The following CLCN2 variants were observed in gnomAD, a reference collection of about 807,000 sequenced individuals.
CLCN2 encodes chloride channel protein 2.
A neutral mutation model predicts 108.3 loss-of-function variants in CLCN2; 72 were observed. The observed-to-expected ratio is 0.66, with a 90% CI of 0.55 to 0.81. The LOEUF (loss-of-function observed/expected upper bound fraction) is 0.81. Ranked by LOEUF, CLCN2 falls within the 30% of genes least tolerant of loss-of-function variation. The pLI, the probability that CLCN2 is intolerant of heterozygous loss-of-function variation, is 0.00. For missense variants in CLCN2, 1,048 were observed against 1,205.2 expected (o/e 0.87, Z 1.93); for synonymous variants, 471 against 467.1 (o/e 1.01, Z -0.11).
Position 184,357,328 on chromosome 3 carries a change from T to C in CLCN2, c.898+34A>G, listed in dbSNP as rs776341750. The C allele has an allele frequency of 3.7e-6, 6 of 1,613,852 alleles. No individual in the cohort carries two copies. The African/African-American group carries it at 4.0e-5, about 11-fold the overall frequency. On this transcript the variant is annotated intron_variant, in intron 8 of 23. Coordinates refer to ENST00000265593, the MANE Select transcript of CLCN2 (RefSeq NM_004366.6). ...CTCGTGGGCCCCCTACCTGGCACCA[T>C]CTCGGGCTGCCCTCATCCCCTGGGT...
intron 10 of CLCN2, chr3:184,356,257 A>C (rs1211949238): frequency 4.5e-6 from 1 of 220,126 alleles, no homozygotes; most frequent in African/African-American, 2.3e-5. Context: ...CCTCTCTCTG[A>C]AGGATGTCAG....
At chr3:184,353,511 T>C in intron 16 of CLCN2, 89 bp from the exon 17 acceptor site, 5 of 1,533,958 alleles carry the variant, frequency 3.3e-6, no homozygotes, top group Non-Finnish European at 4.4e-6. Flanking sequence ...GGGCCTTGCA[T>C]GCAGGCCACA....
At chr3:184,351,981 A>G (rs1560254013) in intron 22 of CLCN2, 32 bp downstream of exon 22, 1 of 1,510,150 alleles carries the variant, frequency 6.6e-7, no homozygotes, top group South Asian at 1.1e-5. Context: ...CTGAGAGCCT[A>G]GACCAGCCCT....
chr3:184,352,260 A>G (rs1391580554), intron 21 of CLCN2, 33 bp downstream of exon 21: 1 of 1,613,270 alleles, frequency 6.2e-7, no homozygotes, highest in Non-Finnish European at 8.5e-7. Flanking sequence ...ACAACCAGGA[A>G]GAAACAGGGT....
Position 184,357,070 on chromosome 3 carries a change from G to T in CLCN2, c.1008C>A (p.Ala336=), listed in dbSNP as rs756090893. 1 of 1,613,730 alleles carries T rather than the reference G, an allele frequency of 6.2e-7. No individual in the cohort carries two copies. The highest frequency in any genetic ancestry group is 2.2e-5 in the East Asian group (1 of 44,868). Residue 336 remains alanine, a synonymous_variant, in exon 10 of 24, where the codon GCC becomes GCA. Transcript: ENST00000265593. ...VIGIASGFGG[A]LFVYLNRKIV... ...TCTTCCGGTTCAGGTAGACAAAGAG[G>T]GCTCCACCGAAGCCACTAGCAATAC...
At position 184,353,805 on chromosome 3, in the gene CLCN2, G is replaced by A. The variant is rs374702354; in HGVS notation, c.1722-10C>T. On this transcript the variant is annotated splice_polypyrimidine_tract_variant and intron_variant, in intron 15 of 23. Coordinates refer to ENST00000265593, the MANE Select transcript of CLCN2 (RefSeq NM_004366.6). Reference sequence around the variant, plus strand: ...ACGCACCCGGTACTGCCTGGGGGCCGAGAGAGGCGCTTGGTTTGTGGTCAG... The same window carrying A: ...ACGCACCCGGTACTGCCTGGGGGCCAAGAGAGGCGCTTGGTTTGTGGTCAG... The A allele has an allele frequency of 2.0e-5, 32 of 1,602,888 alleles. No homozygotes were observed. Among genetic ancestry groups the A allele is most frequent in the Admixed American group, 3.4e-5 (2 of 58,004 alleles).
In CLCN2 at chr3:184,355,116, AC is replaced by A; in HGVS notation, c.1327-144del. The A allele has an allele frequency of 2.3e-6, 2 of 865,176 alleles. No homozygotes were observed. Among genetic ancestry groups the A allele is most frequent in the South Asian group, 3.0e-5 (2 of 66,744 alleles). 53.6% of individuals were successfully genotyped at this position (865,176 alleles called of 1,614,324 possible). A position where few individuals can be genotyped will look rare whatever the true frequency, so the allele number is the denominator to read the frequency against. Reference sequence around the variant, plus strand: ...CCGTAACCCTCCTAGCTACCCTGGGACCCCCAGGCCTCCCAGGTGATGGCAA... The same window carrying A: ...CCGTAACCCTCCTAGCTACCCTGGGACCCCAGGCCTCCCAGGTGATGGCAA... On this transcript the variant is annotated intron_variant, in intron 12 of 23. Coordinates refer to ENST00000265593, the MANE Select transcript of CLCN2 (RefSeq NM_004366.6). The surrounding 1 kb of genome is among the most constrained non-coding windows in gnomAD (Gnocchi z 6.3).
At chr3:184,352,244 T>C (rs1372243992) in intron 21 of CLCN2, 49 bp downstream of exon 21, 2 of 1,612,538 alleles carry the variant, frequency 1.2e-6, no homozygotes, top group Non-Finnish European at 1.7e-6. Flanking sequence ...AACATGATGA[T>C]TGAACACAAC....
At chr3:184,352,190 G>A in intron 21 of CLCN2, 73 bp from the exon 22 acceptor site, 2 of 1,591,120 alleles carry the variant, frequency 1.3e-6, no homozygotes, top group East Asian at 2.2e-5. Context: ...AAGCTGGCCT[G>A]CCCTTTTTCC....
chr3:184,357,743 G>A (rs1436520169), intron 6 of CLCN2, 36 bp downstream of exon 6: 10 of 1,613,872 alleles, frequency 6.2e-6, no homozygotes, highest in Non-Finnish European at 8.5e-6. Context: ...GGGCTCAGCA[G>A]CCTCTGCCCC....
At chr3:184,353,875 G>A in intron 15 of CLCN2, 80 bp from the exon 16 acceptor site, 1 of 1,561,544 alleles carries the variant, frequency 6.4e-7, no homozygotes, top group Non-Finnish European at 8.7e-7. Context: ...GGGCCACAAG[G>A]AGGGCTCCAG....
At position 184,357,471 on chromosome 3, in the gene CLCN2, G is replaced by A. The variant is rs760945254; in HGVS notation, c.789C>T (p.Ile263=). 1.2e-6 allele frequency: 2 copies of A among 1,614,216 alleles called. No homozygotes were observed. Among genetic ancestry groups the A allele is most frequent in the African/African-American group, 1.3e-5 (1 of 75,064 alleles). ...CTGCAAAGAAGGTGGAGGTGACCTCGATGCTGAAGAGGACGCCTGTGAGGG... is the reference window on the plus strand; with the variant it reads ...CTGCAAAGAAGGTGGAGGTGACCTCAATGCTGAAGAGGACGCCTGTGAGGG... The part of the protein sequence containing the change: ...AAPIGGVLFS[I]EVTSTFFAVR... The change falls in exon 8 of 24, where the codon ATC becomes ATT. Residue 263 remains isoleucine, a synonymous_variant. Transcript: ENST00000265593.
chr3:184,358,908 G>C (rs902869039), intron 2 of CLCN2, 67 bp downstream of exon 2: 2 of 1,612,804 alleles, frequency 1.2e-6, no homozygotes, highest in Non-Finnish European at 1.7e-6. Context: ...CCCATCAGCA[G>C]CTCTAATGGC....
chr3:184,356,889 G>T, intron 10 of CLCN2, 104 bp downstream of exon 10: 1 of 785,956 alleles, frequency 1.3e-6, no homozygotes. Context: ...TCTCAGTGAA[G>T]TGCCTGTTTT....
chr3:184,353,490 C>T (rs924509296), intron 16 of CLCN2, 68 bp from the exon 17 acceptor site: 3 of 1,552,946 alleles, frequency 1.9e-6, no homozygotes, highest in Admixed American at 1.9e-5. Flanking sequence ...TTCTCTCACA[C>T]TCAGAGTGGG....
rs1332071318 is a variant in CLCN2 at position 184,353,720 on chromosome 3, G to T, written c.1797C>A (p.Asp599Glu). The T allele has an allele frequency of 6.2e-7, 1 of 1,609,658 alleles. No homozygotes were observed. The highest frequency in any genetic ancestry group is 1.1e-5 in the South Asian group (1 of 90,126). The change falls in exon 16 of 24, where the codon GAC becomes GAA. Residue 599 changes from aspartate (D) to glutamate (E), a missense_variant. By Grantham distance (45) the Asp-to-Glu change is conservative. Coordinates refer to ENST00000265593, the MANE Select transcript of CLCN2 (RefSeq NM_004366.6). The stretch of plus-strand genomic sequence containing the variant: ...TGGTCCTGTGCAGTGCCAAACGCAG[G>T]TCCCGGAAGGTGCAGCTGAGGGCCA... ...PHVALSCTFR[D>E]LRLALHRTKG...
chr3:184,355,075 A>G lies in CLCN2; in HGVS notation c.1327-102T>C, dbSNP rs1728446117. The G allele has an allele frequency of 2.6e-6, 3 of 1,173,376 alleles. No homozygotes were observed. In the South Asian group the frequency reaches 3.8e-5, roughly 15 times the overall value. 72.7% of individuals were successfully genotyped at this position (1,173,376 alleles called of 1,614,324 possible). On this transcript the variant is annotated intron_variant, in intron 12 of 23. Coordinates refer to ENST00000265593, the MANE Select transcript of CLCN2 (RefSeq NM_004366.6). This position sits in a 1 kb window ranked among gnomAD's most constrained non-coding sequence, Gnocchi z 6.3. Reference sequence around the variant, plus strand: ...TCTACCTCGCTGATCAGGTGGGCGTAACCCTCCCAGCCACCCCGTAACCCT... The same window carrying G: ...TCTACCTCGCTGATCAGGTGGGCGTGACCCTCCCAGCCACCCCGTAACCCT...
Position 184,357,862 on chromosome 3 carries a change from G to C in CLCN2, c.616-6C>G. 2 of 1,613,832 alleles carry C rather than the reference G, an allele frequency of 1.2e-6. No homozygotes were observed. Among genetic ancestry groups the C allele is most frequent in the South Asian group, 2.2e-5 (2 of 91,088 alleles). On this transcript the variant is annotated splice_region_variant and splice_polypyrimidine_tract_variant and intron_variant, in intron 5 of 23. Transcript: ENST00000265593. ...GCGATATGCACAAAAGGGCCCTGCG[G>C]GGTGGGGCAGGCGGTGAGTCGGGAG...
chr3:184,354,582 G>C lies in CLCN2; in HGVS notation c.1473C>G (p.Thr491=), dbSNP rs752476022. ...FPDGIHTDSS[T]YRIVPGGYAV... ...CGTAGCCCCCAGGCACAATCCGGTAGGTGCTGCTGTCCGTATGAATTCCAT... is the reference window on the plus strand; with the variant it reads ...CGTAGCCCCCAGGCACAATCCGGTACGTGCTGCTGTCCGTATGAATTCCAT... The change falls in exon 14 of 24, where the codon ACC becomes ACG. Residue 491 remains threonine (T), a synonymous_variant. Transcript: ENST00000265593. 6.2e-7 allele frequency: 1 copy of C among 1,613,320 alleles called. No homozygotes were observed. Among genetic ancestry groups the C allele is most frequent in the Non-Finnish European group, 8.5e-7 (1 of 1,179,974 alleles).
Sources: allele counts gnomAD v4.1 joint callset, GRCh38; gene constraint gnomAD v4.1.1; non-coding constraint Gnocchi (gnomAD v3.1); transcripts MANE v1.5; gene names NCBI Gene and HGNC (gene_info 2026-07-23, HGNC 2026-07-21).